The following GRTP1 variants were observed in gnomAD, a reference collection of about 807,000 sequenced individuals.
The protein encoded by GRTP1 is growth hormone regulated TBC protein 1, also known as growth hormone-regulated TBC protein 1.
A neutral mutation model predicts 38.1 loss-of-function variants in GRTP1; 56 were observed. That is an observed-to-expected ratio of 1.47 (90% CI 1.19 to 1.84). The LOEUF (loss-of-function observed/expected upper bound fraction) is 1.84. GRTP1 is among the 40% of genes most tolerant of loss of function. GRTP1 has a pLI of 0.00. For missense variants in GRTP1, 506 were observed against 453.9 expected, an observed-to-expected ratio of 1.11 and a Z score of -1.04; for synonymous variants, 217 against 189.5, an observed-to-expected ratio of 1.14 and a Z score of -1.19.
rs377000504 is a variant in GRTP1, at chr13:113,347,174, G to A, written c.466-2215C>T. Among the ~76,000 whole-genome samples the A allele has an allele frequency of 2.1e-4, 15 of 72,304 alleles. 1 individual carries two copies. The highest frequency in any genetic ancestry group is 8.6e-3 in the Middle Eastern group (1 of 116). 47.4% of individuals were successfully genotyped at this position (72,304 alleles called of 152,430 possible). On this transcript the variant is annotated intron_variant, in intron 4 of 7. Coordinates refer to ENST00000375431, the MANE Select transcript of GRTP1 (RefSeq NM_024719.4). ...CAGACCCGGGAGGACCTCTGTGGCAGAGAGCAGACCCAGGAGGACCTCTGT... is the reference window on the plus strand; with the variant it reads ...CAGACCCGGGAGGACCTCTGTGGCAAAGAGCAGACCCAGGAGGACCTCTGT...
intron 3 of GRTP1, among the ~76,000 whole-genome samples, chr13:113,353,126 AGG>A (rs2043316313): frequency 7.6e-5 from 11 of 144,740 alleles, no homozygotes; most frequent in African/African-American, 2.9e-4. Context: ...CACTCTGGGT[AGG>A]AACCCACAGC....
chr13:113,357,513 A>G (rs1416220765), intron 2 of GRTP1, among the ~76,000 whole-genome samples: 3 of 151,568 alleles, frequency 2.0e-5, no homozygotes, highest in African/African-American at 7.3e-5. Flanking sequence ...TTTGAGGATC[A>G]TGTCTCAGGT....
chr13:113,347,712 G>A (rs865851530), intron 4 of GRTP1, among the ~76,000 whole-genome samples: 24 of 54,022 alleles, frequency 4.4e-4, no homozygotes, highest in South Asian at 1.4e-3. Context: ...GTGGCAGAGA[G>A]CAGACCCGGG....
Position 113,364,028 on chromosome 13 carries a change from C to A in GRTP1, c.24G>T (p.Arg8=). 1 of 1,308,226 alleles carries A rather than the reference C, an allele frequency of 7.6e-7. No individual in the cohort carries two copies. Among genetic ancestry groups the A allele is most frequent in the East Asian group, 3.1e-5 (1 of 32,244 alleles). The allele number at this position is 1,308,226 out of a possible 1,614,324, so 81.0% of individuals were successfully genotyped here. The change falls in exon 1 of 8, where the codon CGG becomes CGT. Residue 8 remains arginine (R), a synonymous_variant. Coordinates refer to ENST00000375431, the MANE Select transcript of GRTP1 (RefSeq NM_024719.4). ...CACCCCGCGCCACACACCTGGGGAC[C>A]CGCGAGCGCTCGGCGGGCTGCATGC... MQPAERS[R]VPRIDPYGFE...
At chr13:113,325,874 C>T (rs1322472169) in intron 6 of GRTP1, 28 bp from the exon 7 acceptor site, 2 of 1,613,878 alleles carry the variant, frequency 1.2e-6, no homozygotes, top group Non-Finnish European at 1.7e-6. Flanking sequence ...CCCGGTGTCA[C>T]TCCCTGGCGG....
intron 5 of GRTP1, among the ~76,000 whole-genome samples, chr13:113,335,156 A>G (rs1260705132): frequency 1.3e-5 from 2 of 152,112 alleles, no homozygotes; most frequent in African/African-American, 4.8e-5. Flanking sequence ...CAGTTTTATA[A>G]TGCTAAAAAG....
In GRTP1 at chr13:113,344,867, T is replaced by C. The variant is rs1183626951; in HGVS notation, c.558A>G (p.Leu186=). 1 of 1,606,892 alleles carries C rather than the reference T, an allele frequency of 6.2e-7. No homozygotes were observed. Residue 186 remains leucine, a synonymous_variant, in exon 5 of 8, where the codon CTA becomes CTG. Transcript: ENST00000375431. The part of the protein sequence containing the change: ...WLLDALVGRI[L]PDYYSPAMLG... ...CCGCAGGAATTTTCAACATACCTGG[T>C]AGTATTCTTCCAACAAGAGCATCTA...
intron 5 of GRTP1, among the ~76,000 whole-genome samples, chr13:113,333,838 AGTGTGT>A (rs1555314877): frequency 4.2e-5 from 1 of 23,544 alleles, no homozygotes; most frequent in Non-Finnish European, 1.8e-4. Context: ...TTATTTATTT[AGTGTGT>A]GTGTGTGTGT....
intron 7 of GRTP1, 173 bp downstream of exon 7, chr13:113,325,488 C>T (rs1476341720): frequency 1.3e-5 from 19 of 1,468,228 alleles, no homozygotes; most frequent in African/African-American, 5.7e-5. Flanking sequence ...ACAGGAAAGC[C>T]CTCGGAGGCC....
chr13:113,326,254 A>G, intron 5 of GRTP1, 163 bp from the exon 6 acceptor site: 1 of 362,206 alleles, frequency 2.8e-6, no homozygotes, highest in Non-Finnish European at 3.8e-6. Context: ...GCCTGCAGAC[A>G]CAGGGCTCAT....
chr13:113,363,271 A>G (rs2043531887), intron 2 of GRTP1, among the ~76,000 whole-genome samples: 1 of 152,140 alleles, frequency 6.6e-6, no homozygotes, highest in Non-Finnish European at 1.5e-5. Context: ...GCAATGGCGC[A>G]ATCTCGGCTC....
intron 7 of GRTP1, 33 bp from the exon 8 acceptor site, chr13:113,324,610 C>G: frequency 1.3e-6 from 2 of 1,568,206 alleles, no homozygotes. Flanking sequence ...AAAAACAAAC[C>G]CAACAACCCA....
At chr13:113,330,336 G>A (rs1309958675) in intron 5 of GRTP1, among the ~76,000 whole-genome samples, 3 of 130,364 alleles carry the variant, frequency 2.3e-5, no homozygotes, top group Non-Finnish European at 4.8e-5. Flanking sequence ...GGAAACCCAG[G>A]TGTGTGCATG....
In GRTP1 at chr13:113,355,792, G is replaced by A. The variant is rs553958140; in HGVS notation, c.182-311C>T. 9.8e-5 allele frequency: 20 copies of A among 205,034 alleles called. No homozygotes were observed. In the East Asian group the frequency reaches 1.7e-3, roughly 17 times the overall value. The allele number at this position is 205,034 out of a possible 1,614,324, so 12.7% of individuals were successfully genotyped here. On this transcript the variant is annotated intron_variant, in intron 2 of 7. Coordinates refer to ENST00000375431, the MANE Select transcript of GRTP1 (RefSeq NM_024719.4). ...TGCTCTGCAAAGCTTCCTGGCAGCC[G>A]TGCAGAGCAGCAGCAAAGGGGCAAA...
chr13:113,345,713 G>A (rs892511132), intron 4 of GRTP1, among the ~76,000 whole-genome samples: 2 of 152,250 alleles, frequency 1.3e-5, no homozygotes, highest in Admixed American at 6.5e-5. Context: ...CAGCAGCGCG[G>A]CGGCTTCAGT....
chr13:113,350,460 CCCA>C (rs1170030310), intron 4 of GRTP1, among the ~76,000 whole-genome samples: 1 of 69,354 alleles, frequency 1.4e-5, no homozygotes, highest in Non-Finnish European at 2.9e-5. Flanking sequence ...AGCGCACGCA[CCCA>C]CAGCACACAT....
intron 5 of GRTP1, among the ~76,000 whole-genome samples, chr13:113,335,619 C>A (rs535031398): frequency 6.6e-6 from 1 of 152,156 alleles, no homozygotes; most frequent in South Asian, 2.1e-4. Flanking sequence ...GCCTCTCTAT[C>A]CCCCTCCCTT....
At position 113,346,195 on chromosome 13, in the gene GRTP1, AGAG is replaced by A. The variant is rs1566429522; in HGVS notation, c.466-1239_466-1237del. Among the ~76,000 whole-genome samples the A allele has an allele frequency of 1.1e-4, 12 of 110,000 alleles. 1 individual carries two copies. Among genetic ancestry groups the A allele is most frequent in the Non-Finnish European group, 1.3e-4 (7 of 55,006 alleles). The allele number at this position is 110,000 out of a possible 152,430, so 72.2% of individuals were successfully genotyped here. A position where few individuals can be genotyped will look rare whatever the true frequency, so the allele number is the denominator to read the frequency against. ...GGACCCGGGAGGACCTCTGTGGCTG[AGAG>A]CAGACCCGGGAGGACCTCTGTGGCT... On this transcript the variant is annotated intron_variant, in intron 4 of 7. Transcript: ENST00000375431.
In GRTP1 at chr13:113,347,393, C is replaced by T. The variant is rs1310377933; in HGVS notation, c.466-2434G>A. 2.1e-4 allele frequency among the ~76,000 whole-genome samples: 18 copies of T among 86,964 alleles called. 1 individual carries two copies. The highest frequency in any genetic ancestry group is 4.9e-4 in the African/African-American group (10 of 20,224). 57.1% of individuals were successfully genotyped at this position (86,964 alleles called of 152,430 possible). On this transcript the variant is annotated intron_variant, in intron 4 of 7. Transcript: ENST00000375431. ...GGACCTCTGAAGCCGAGAGCAGACC[C>T]GGGAGGACCTCTGTGGCTGACAGTG...
Sources: allele counts gnomAD v4.1 joint callset (sites outside exome capture counted in the v4.1 genomes callset), GRCh38; gene constraint gnomAD v4.1.1; transcripts MANE v1.5; gene names NCBI Gene and HGNC (gene_info 2026-07-23, HGNC 2026-07-21).